KDM3B: variants seen among roughly 807,000 people sequenced by gnomAD.
KDM3B encodes lysine-specific demethylase 3B.
KDM3B carries 10 observed loss-of-function variants against 170.0 expected under a neutral mutation model. The ratio of observed to expected loss-of-function variants is 0.06; its 90% CI spans 0.04 to 0.10. The LOEUF (loss-of-function observed/expected upper bound fraction) is 0.10, where lower values mean the gene tolerates loss of function less well. Among genes scored for constraint, KDM3B ranks in the 10% least tolerant of loss-of-function variants. KDM3B has a pLI of 1.00. For synonymous variants in KDM3B, 831 were observed against 834.8 expected (o/e 1.00, Z 0.08); for missense variants, 1,394 against 2,195.2 (o/e 0.64, Z 7.29).
chr5:138,425,825 G>T, intron 17 of KDM3B: 1 of 325,436 alleles, frequency 3.1e-6, no homozygotes, highest in South Asian at 5.0e-5. Flanking sequence ...GGCCAACTTA[G>T]CGAAACCCCA....
At chr5:138,425,811 G>A in intron 17 of KDM3B, 3 of 364,570 alleles carry the variant, frequency 8.2e-6, no homozygotes, top group Non-Finnish European at 1.5e-5. Context: ...TTCAAGACCA[G>A]CCTGGCCAAC....
In KDM3B at chr5:138,424,719, C is replaced by T. The variant is rs147772797; in HGVS notation, c.4239+378C>T. On this transcript the variant is annotated intron_variant, in intron 16 of 23. Transcript: ENST00000314358. ...CACTTTACCCGGGAAGCAGAGGGTG[C>T]GGTGAGCCAAGATCATACCACTACA... Among the ~76,000 whole-genome samples, 873 of 152,148 alleles carry T rather than the reference C, an allele frequency of 5.7e-3. 7 individuals are homozygous for T. The highest frequency in any genetic ancestry group is 0.02 in the African/African-American group (835 of 41,492).
chr5:138,421,885 C>T (rs1041095700), intron 15 of KDM3B, among the ~76,000 whole-genome samples: 7 of 152,140 alleles, frequency 4.6e-5, no homozygotes, highest in African/African-American at 1.7e-4. Context: ...TCATCTTGCT[C>T]TCACCTCCCT....
intron 6 of KDM3B, among the ~76,000 whole-genome samples, chr5:138,384,574 C>T (rs1561768506): frequency 6.6e-6 from 1 of 151,498 alleles, no homozygotes; most frequent in Non-Finnish European, 1.5e-5. Flanking sequence ...CCTGTCTCTA[C>T]TAAAAATACA....
chr5:138,366,909 A>G (rs1761760625), intron 1 of KDM3B, among the ~76,000 whole-genome samples: 1 of 152,232 alleles, frequency 6.6e-6, no homozygotes, highest in Non-Finnish European at 1.5e-5. Flanking sequence ...TTTTTCAACC[A>G]TTAATATGCC....
At chr5:138,417,442 A>G in intron 12 of KDM3B, 41 bp from the exon 13 acceptor site, 1 of 1,596,314 alleles carries the variant, frequency 6.3e-7, no homozygotes, top group Non-Finnish European at 8.6e-7. Context: ...GGCATATATG[A>G]GTATTCTGGT....
intron 11 of KDM3B, among the ~76,000 whole-genome samples, chr5:138,409,000 A>G (rs2126975170): frequency 6.6e-6 from 1 of 152,328 alleles, no homozygotes; most frequent in Non-Finnish European, 1.5e-5. Flanking sequence ...CAATGACCAC[A>G]AAACAAAGTC....
chr5:138,418,141 A>G (rs1424507267), intron 13 of KDM3B, among the ~76,000 whole-genome samples: 2 of 135,376 alleles, frequency 1.5e-5, no homozygotes, highest in Non-Finnish European at 3.1e-5. Flanking sequence ...GTGCAGTGGC[A>G]TGATCTCGGC....
At chr5:138,357,071 G>GCA (rs2126902697) in intron 1 of KDM3B, among the ~76,000 whole-genome samples, 1 of 152,008 alleles carries the variant, frequency 6.6e-6, no homozygotes, top group African/African-American at 2.4e-5. Context: ...CCGGGCTGGA[G>GCA]TGCAGGGGCA....
intron 17 of KDM3B, 85 bp from the exon 18 acceptor site, chr5:138,426,885 AAAAAG>A (rs1561796033): frequency 1.4e-5 from 6 of 438,858 alleles, no homozygotes; most frequent in African/African-American, 4.4e-5. Context: ...AAAAAAGAAA[AAAAAG>A]AGATTAGTCT....
chr5:138,361,526 C>G (rs986889453), intron 1 of KDM3B, among the ~76,000 whole-genome samples: 21 of 152,166 alleles, frequency 1.4e-4, no homozygotes, highest in African/African-American at 4.8e-4. Context: ...GACCAAATTA[C>G]TATAAGAAGG....
chr5:138,396,553 G>A (rs1762551966), intron 9 of KDM3B, among the ~76,000 whole-genome samples: 1 of 152,170 alleles, frequency 6.6e-6, no homozygotes, highest in South Asian at 2.1e-4. Flanking sequence ...AGAGAGGAGA[G>A]ATTTAGTGGA....
intron 1 of KDM3B, among the ~76,000 whole-genome samples, chr5:138,368,343 C>T (rs980209506): frequency 9.3e-5 from 14 of 151,194 alleles, no homozygotes; most frequent in African/African-American, 3.2e-4. Context: ...AGCTGTCCTC[C>T]CATCTCAGCC....
intron 11 of KDM3B, 125 bp downstream of exon 11, chr5:138,400,137 C>G: frequency 1.1e-6 from 1 of 900,884 alleles, no homozygotes; most frequent in Admixed American, 2.5e-5. Context: ...CTTCATTCAA[C>G]TTTGTTGTAT....
At chr5:138,372,989 C>G in intron 2 of KDM3B, 148 bp downstream of exon 2, 1 of 658,096 alleles carries the variant, frequency 1.5e-6, no homozygotes, top group African/African-American at 1.8e-5. Flanking sequence ...AAATTAGGAG[C>G]AGTCTTTTCT....
At chr5:138,361,233 G>A (rs1761600720) in intron 1 of KDM3B, among the ~76,000 whole-genome samples, 1 of 152,098 alleles carries the variant, frequency 6.6e-6, no homozygotes, top group African/African-American at 2.4e-5. Flanking sequence ...TGCCCCTGGT[G>A]CGAAAGCATC....
rs1342258847 is a variant in KDM3B, at chr5:138,424,125, C to T, written c.4023C>T (p.Ala1341=). ...SLPNFLDHII[A]SVVENKKTSD... ...CCAACTTTCTTGACCACATCATTGCCTCAGTGGTAGAAAATAAGAAAACCT... is the reference window on the plus strand; with the variant it reads ...CCAACTTTCTTGACCACATCATTGCTTCAGTGGTAGAAAATAAGAAAACCT... The change falls in exon 16 of 24, where the codon GCC becomes GCT. Residue 1341 remains alanine, a synonymous_variant. Coordinates refer to ENST00000314358, the MANE Select transcript of KDM3B (RefSeq NM_016604.4). 1.9e-6 allele frequency: 3 copies of T among 1,609,408 alleles called. No individual in the cohort carries two copies. Among genetic ancestry groups the T allele is most frequent in the East Asian group, 2.2e-5 (1 of 44,816 alleles).
In KDM3B at chr5:138,435,106, A is replaced by G. The variant is rs139460800; in HGVS notation, c.5206-514A>G. ...ATTGTGTGTTCCAATTTCACAGGTAATATATCCAAATCAGAAAACATATAA... is the reference window on the plus strand; with the variant it reads ...ATTGTGTGTTCCAATTTCACAGGTAGTATATCCAAATCAGAAAACATATAA... On this transcript the variant is annotated intron_variant, in intron 23 of 23. Transcript: ENST00000314358. Among the ~76,000 whole-genome samples, 446 of 152,312 alleles carry G rather than the reference A, an allele frequency of 2.9e-3. 2 individuals are homozygous for G. The highest frequency in any genetic ancestry group is 4.7e-3 in the Non-Finnish European group (322 of 68,028).
At chr5:138,419,971 C>T (rs538889456) in intron 14 of KDM3B, among the ~76,000 whole-genome samples, 7 of 150,540 alleles carry the variant, frequency 4.6e-5, no homozygotes, top group Admixed American at 6.6e-5. Context: ...CTGCAACCTC[C>T]GTCTCCCAGG....
Sources: allele counts gnomAD v4.1 joint callset (sites outside exome capture counted in the v4.1 genomes callset), GRCh38; gene constraint gnomAD v4.1.1; transcripts MANE v1.5; gene names NCBI Gene and HGNC (gene_info 2026-07-23, HGNC 2026-07-21).